Variants in MDFIC observed in about 807,000 individuals in gnomAD.
The protein encoded by MDFIC is myoD family inhibitor domain-containing protein.
MDFIC carries 17 observed loss-of-function variants against 23.2 expected under a neutral mutation model. The ratio of observed to expected loss-of-function variants is 0.73; its 90% CI spans 0.50 to 1.10. The LOEUF (loss-of-function observed/expected upper bound fraction) is 1.10, where lower values mean the gene tolerates loss of function less well. Among genes scored for constraint, MDFIC ranks in the 50% least tolerant of loss-of-function variants. MDFIC has a pLI of 0.00. For synonymous variants in MDFIC, 120 were observed against 115.2 expected (o/e 1.04, Z -0.27); for missense variants, 356 against 316.6 (o/e 1.12, Z -0.95).
At chr7:114,966,968 G>A (rs962967251) in intron 3 of MDFIC, among the ~76,000 whole-genome samples, 14 of 151,724 alleles carry the variant, frequency 9.2e-5, no homozygotes, top group African/African-American at 2.9e-4. Flanking sequence ...AAGGCGTATT[G>A]GATTTTTTTT....
chr7:114,934,792 C>G (rs1046103554), intron 2 of MDFIC, among the ~76,000 whole-genome samples: 2 of 152,142 alleles, frequency 1.3e-5, no homozygotes, highest in African/African-American at 2.4e-5. Flanking sequence ...CATATGTTCA[C>G]TCATCTGTTT....
intron 4 of MDFIC, among the ~76,000 whole-genome samples, chr7:115,000,203 T>A (rs1397601292): frequency 2.0e-5 from 3 of 152,212 alleles, no homozygotes; most frequent in African/African-American, 7.2e-5. Context: ...TACTTACCAT[T>A]GTGTTGCAGG....
chr7:114,928,040 T>A (rs920008421), intron 2 of MDFIC, among the ~76,000 whole-genome samples: 1 of 152,120 alleles, frequency 6.6e-6, no homozygotes, highest in African/African-American at 2.4e-5. Context: ...TTGGGAACAT[T>A]TTGAATTTAG....
chr7:114,952,007 CA>C (rs375722910), intron 3 of MDFIC, among the ~76,000 whole-genome samples: 8 of 152,324 alleles, frequency 5.3e-5, no homozygotes, highest in African/African-American at 1.9e-4. Flanking sequence ...GGGCTTGCCA[CA>C]ACCGCGTAGT....
intron 4 of MDFIC, among the ~76,000 whole-genome samples, chr7:114,996,279 A>T (rs1236472822): frequency 6.6e-6 from 1 of 152,118 alleles, no homozygotes; most frequent in Non-Finnish European, 1.5e-5. Flanking sequence ...ACAGTGATGG[A>T]GGTGATGAGA....
At chr7:114,925,533 C>A (rs1204634533) in intron 2 of MDFIC, among the ~76,000 whole-genome samples, 1 of 152,146 alleles carries the variant, frequency 6.6e-6, no homozygotes, top group Non-Finnish European at 1.5e-5. Flanking sequence ...AAAAGCATTA[C>A]AAATCTTTCC....
intron 4 of MDFIC, among the ~76,000 whole-genome samples, chr7:114,993,801 G>C (rs142582464): frequency 0.099 from 15,029 of 152,226 alleles, 1,069 homozygotes; most frequent in African/African-American, 0.2. Flanking sequence ...AGTGCGATAT[G>C]GTGCTGAGAA....
intron 3 of MDFIC, among the ~76,000 whole-genome samples, chr7:114,956,528 C>T (rs973820899): frequency 1.2e-4 from 18 of 151,922 alleles, no homozygotes; most frequent in Admixed American, 2.6e-4. Flanking sequence ...TTTTAATGTG[C>T]GGTAAATATG....
intron 3 of MDFIC, among the ~76,000 whole-genome samples, chr7:114,964,030 G>A (rs1184407363): frequency 6.6e-6 from 1 of 152,092 alleles, no homozygotes; most frequent in Non-Finnish European, 1.5e-5. Flanking sequence ...TCAACTTCCT[G>A]TTTTTCTTCA....
At chr7:114,960,497 A>G (rs1026579614) in intron 3 of MDFIC, among the ~76,000 whole-genome samples, 2 of 152,102 alleles carry the variant, frequency 1.3e-5, no homozygotes, top group Admixed American at 6.6e-5. Context: ...AAACCCCGCA[A>G]ACACATATCA....
chr7:115,008,494 A>T (rs1255023474), intron 4 of MDFIC, among the ~76,000 whole-genome samples: 1 of 152,072 alleles, frequency 6.6e-6, no homozygotes, highest in Non-Finnish European at 1.5e-5. Flanking sequence ...TCTGGCTAAG[A>T]TGTGTGGCCT....
rs535667255 is a variant in MDFIC at position 114,997,521 on chromosome 7, G to A, written c.493+17740G>A. The stretch of plus-strand genomic sequence containing the variant: ...TCCTGGCACTTTGGGAGGCCAAGGC[G>A]GGAGAATGGCTTGAGGTTAGGAATT... On this transcript the variant is annotated intron_variant, in intron 4 of 4. Coordinates refer to ENST00000393486, the MANE Select transcript of MDFIC (RefSeq NM_001166345.3). Among the ~76,000 whole-genome samples, 106 of 151,752 alleles carry A rather than the reference G, an allele frequency of 7.0e-4. 1 individual carries two copies. Among genetic ancestry groups the A allele is most frequent in the African/African-American group, 2.2e-3 (91 of 41,330 alleles).
At chr7:114,953,301 C>T (rs1399031468) in intron 3 of MDFIC, among the ~76,000 whole-genome samples, 3 of 151,148 alleles carry the variant, frequency 2.0e-5, no homozygotes, top group Non-Finnish European at 4.4e-5. Context: ...AATATTTTAC[C>T]CCAATGAAAC....
At chr7:114,950,619 T>C (rs1197894727) in intron 3 of MDFIC, among the ~76,000 whole-genome samples, 1 of 152,046 alleles carries the variant, frequency 6.6e-6, no homozygotes, top group Non-Finnish European at 1.5e-5. Context: ...GAATGAGAAA[T>C]ATGAATTTAA....
intron 4 of MDFIC, among the ~76,000 whole-genome samples, chr7:114,987,111 A>C (rs1793528571): frequency 6.6e-6 from 1 of 152,208 alleles, no homozygotes; most frequent in Non-Finnish European, 1.5e-5. Context: ...GAGACCCAGC[A>C]GAGGGAGGAC....
intron 3 of MDFIC, among the ~76,000 whole-genome samples, chr7:114,958,424 G>A (rs1338177431): frequency 6.6e-6 from 1 of 152,144 alleles, no homozygotes; most frequent in Non-Finnish European, 1.5e-5. Flanking sequence ...TGAAATTGAT[G>A]AAGGTTATCA....
In MDFIC at chr7:115,018,910, G is replaced by A. The variant is rs1791849431; in HGVS notation, c.*2975G>A. The A allele has an allele frequency of 6.6e-6, 1 of 151,798 alleles. No individual in the cohort carries two copies. The highest frequency in any genetic ancestry group is 2.4e-5 in the African/African-American group (1 of 41,354). 9.4% of individuals were successfully genotyped at this position (151,798 alleles called of 1,614,324 possible). A position where few individuals can be genotyped will look rare whatever the true frequency, so the allele number is the denominator to read the frequency against. On this transcript the variant is annotated 3_prime_UTR_variant, in exon 5 of 5. Transcript: ENST00000393486. ...TATGTAAATCACATGACTCATGTCC[G>A]TAAATGAACTATGAAAGATATCGAT... is the stretch of plus-strand genomic sequence containing the variant.
intron 4 of MDFIC, among the ~76,000 whole-genome samples, chr7:114,980,326 C>A (rs1402738284): frequency 6.6e-6 from 1 of 152,160 alleles, no homozygotes; most frequent in Non-Finnish European, 1.5e-5. Context: ...GCAACCATCT[C>A]CACTCCCATC....
In MDFIC at chr7:114,922,998, C is replaced by T. The variant is rs927946062; in HGVS notation, c.-36C>T. 4 of 1,507,132 alleles carry T rather than the reference C, an allele frequency of 2.7e-6. No individual in the cohort carries two copies. The African/African-American group carries it at 4.4e-5, about 16-fold the overall frequency. The allele number at this position is 1,507,132 out of a possible 1,614,324, so 93.4% of individuals were successfully genotyped here. On this transcript the variant is annotated 5_prime_UTR_variant, in exon 2 of 5. Transcript: ENST00000393486. ...GCGCCCTGCCGGGCGGCGAGCTAGG[C>T]GGCAGCGGCGCGGCGCGGGCTCGGC...
Sources: gnomAD v4.1 joint callset for allele counts (sites outside exome capture counted in the v4.1 genomes callset) on GRCh38, gnomAD v4.1.1 for gene constraint, MANE v1.5 for transcripts, NCBI Gene and HGNC (gene_info 2026-07-23, HGNC 2026-07-21) for gene names.